The following RAPGEF1 variants were observed in gnomAD, a reference collection of about 807,000 sequenced individuals.
RAPGEF1 encodes CRK SH3-binding GNRP.
A neutral mutation model predicts 143.3 loss-of-function variants in RAPGEF1; 33 were observed. That is an observed-to-expected ratio of 0.23 (90% CI 0.17 to 0.31). RAPGEF1 has a LOEUF of 0.31. Ranked by LOEUF, RAPGEF1 falls within the 10% of genes least tolerant of loss-of-function variation. The pLI, the probability that RAPGEF1 is intolerant of heterozygous loss-of-function variation, is 1.00. For synonymous variants in RAPGEF1, 629 were observed against 676.5 expected (o/e 0.93, Z 1.09); for missense variants, 1,199 against 1,645.4 (o/e 0.73, Z 4.69).
At position 131,584,611 on chromosome 9, in the gene RAPGEF1, G is replaced by A. The variant is rs1382817134; in HGVS notation, c.3234-15C>T. On this transcript the variant is annotated splice_polypyrimidine_tract_variant and intron_variant, in intron 22 of 26. Coordinates refer to ENST00000683357, the MANE Select transcript of RAPGEF1 (RefSeq NM_001377935.1). This position sits in a 1 kb window ranked among gnomAD's most constrained non-coding sequence, Gnocchi z 6.8. ...TGGACCGGACCCTGCATGGACCAAG[G>A]GAAAAAGAAACAGCTGAGTTGACAA... 1.2e-6 allele frequency: 2 copies of A among 1,613,570 alleles called. No individual in the cohort carries two copies. The highest frequency in any genetic ancestry group is 1.1e-5 in the South Asian group (1 of 91,072).
rs760080790 is a variant in RAPGEF1, at chr9:131,629,258, G to A, written c.741-4C>T. On this transcript the variant is annotated splice_polypyrimidine_tract_variant and splice_region_variant and intron_variant, in intron 6 of 26. Transcript: ENST00000683357. ...TGTCAGGGGGAGCTCTGCTGGGCTG[G>A]AGAATTGGGAAGAACTTGGGGTTAC... is the stretch of plus-strand genomic sequence containing the variant. 9.9e-6 allele frequency: 16 copies of A among 1,612,538 alleles called. No homozygotes were observed. The African/African-American group carries it at 1.3e-4, about 13-fold the overall frequency.
At position 131,650,388 on chromosome 9, in the gene RAPGEF1, G is replaced by C; in HGVS notation, c.202-146C>G. 1.6e-6 allele frequency: 1 copy of C among 642,502 alleles called. No individual in the cohort carries two copies. The highest frequency in any genetic ancestry group is 2.7e-6 in the Non-Finnish European group (1 of 373,576). 39.8% of individuals were successfully genotyped at this position (642,502 alleles called of 1,614,324 possible). ...CCACTAACTCTTGAGGACATCTTTGGCTGTGTCTCAAGGGGTTTGCATGTT... is the reference window on the plus strand; with the variant it reads ...CCACTAACTCTTGAGGACATCTTTGCCTGTGTCTCAAGGGGTTTGCATGTT... On this transcript the variant is annotated intron_variant, in intron 2 of 26. Transcript: ENST00000683357. The surrounding 1 kb of genome is among the most constrained non-coding windows in gnomAD (Gnocchi z 4.7).
chr9:131,685,352 C>A (rs1349883254), intron 1 of RAPGEF1, among the ~76,000 whole-genome samples: 1 of 152,194 alleles, frequency 6.6e-6, no homozygotes, highest in Non-Finnish European at 1.5e-5. Context: ...CCAAAACTGG[C>A]CATAAACAAT....
rs563731140 is a variant in RAPGEF1, at chr9:131,735,872, C to T, written c.61+3898G>A. On this transcript the variant is annotated intron_variant, in intron 1 of 26. Coordinates refer to ENST00000683357, the MANE Select transcript of RAPGEF1 (RefSeq NM_001377935.1). ...GGCTTTTGAGATTTTTGAGTGACTT[C>T]CTGATTTTTCAATATTGACCATCAA... 2.0e-3 allele frequency among the ~76,000 whole-genome samples: 301 copies of T among 152,246 alleles called. 2 individuals are homozygous for T. The highest frequency in any genetic ancestry group is 3.5e-3 in the Admixed American group (54 of 15,288).
rs908978146 is a variant in RAPGEF1, at chr9:131,580,248, G to A, written c.3641+15C>T. Reference sequence around the variant, plus strand: ...GCTCAGCTCTGCCTGGTCCCCCCGGGGCAGTGGCACTCACGCCTGCTGGAA... The same window carrying A: ...GCTCAGCTCTGCCTGGTCCCCCCGGAGCAGTGGCACTCACGCCTGCTGGAA... On this transcript the variant is annotated intron_variant, in intron 26 of 26. Transcript: ENST00000683357. The A allele has an allele frequency of 3.7e-6, 6 of 1,613,460 alleles. No individual in the cohort carries two copies. The highest frequency in any genetic ancestry group is 1.6e-4 in the Middle Eastern group (1 of 6,082).
At position 131,588,054 on chromosome 9, in the gene RAPGEF1, G is replaced by A. The variant is rs768057058; in HGVS notation, c.3054-28C>T. ...GGAAGACAGAGGTGTGAGAAGAGCC[G>A]TCAGGGGTGGGGAGGCCGGTGGGGA... On this transcript the variant is annotated intron_variant, in intron 20 of 26. Coordinates refer to ENST00000683357, the MANE Select transcript of RAPGEF1 (RefSeq NM_001377935.1). 37 of 1,588,848 alleles carry A rather than the reference G, an allele frequency of 2.3e-5. No individual in the cohort carries two copies. The East Asian group carries it at 4.0e-4, about 17-fold the overall frequency.
intron 1 of RAPGEF1, among the ~76,000 whole-genome samples, chr9:131,686,175 C>T (rs375780177): frequency 2.6e-5 from 4 of 152,184 alleles, no homozygotes; most frequent in East Asian, 1.9e-4. Context: ...CAATGGACTT[C>T]GTGGGCCATA....
In RAPGEF1 at chr9:131,625,960, T is replaced by C. The variant is rs1230847799; in HGVS notation, c.1664A>G (p.Glu555Gly). The part of the protein sequence containing the change: ...FTAPESTGDP[E>G]KPPPLPEKKN... ...CTTCTCTGGTAGAGGAGGTGGTTTTTCTGGGTCACCGGTTGACTCAGGAGC... is the reference window on the plus strand; with the variant it reads ...CTTCTCTGGTAGAGGAGGTGGTTTTCCTGGGTCACCGGTTGACTCAGGAGC... The change falls in exon 10 of 27, where the codon GAA (glutamate) becomes GGA (glycine). Residue 555 changes from glutamate (E) to glycine (G), a missense_variant. Physicochemically the swap from Glu to Gly is moderately conservative, Grantham distance 98. Transcript: ENST00000683357. 6 of 1,589,706 alleles carry C rather than the reference T, an allele frequency of 3.8e-6. No homozygotes were observed. Among genetic ancestry groups the C allele is most frequent in the African/African-American group, 1.3e-5 (1 of 74,534 alleles).
intron 10 of RAPGEF1, among the ~76,000 whole-genome samples, chr9:131,623,820 C>T (rs1962051993): frequency 6.6e-6 from 1 of 152,214 alleles, no homozygotes; most frequent in South Asian, 2.1e-4. Context: ...GAGGACACGT[C>T]GTGACATTGG....
intron 15 of RAPGEF1, among the ~76,000 whole-genome samples, chr9:131,600,260 T>C (rs576490043): frequency 2.1e-4 from 32 of 152,212 alleles, no homozygotes; most frequent in Non-Finnish European, 4.0e-4. Context: ...CATCCCATAA[T>C]TATTTCTGAG....
intron 12 of RAPGEF1, among the ~76,000 whole-genome samples, chr9:131,615,354 G>A (rs757703674): frequency 3.3e-5 from 5 of 152,308 alleles, no homozygotes; most frequent in South Asian, 2.1e-4. Context: ...GATTGCAGGC[G>A]TGAGCCACTG....
rs1961011228 is a variant in RAPGEF1 at position 131,621,509 on chromosome 9, A to G, written c.1905+287T>C. Among the ~76,000 whole-genome samples, 1 of 152,194 alleles carries G rather than the reference A, an allele frequency of 6.6e-6. No individual in the cohort carries two copies. On this transcript the variant is annotated intron_variant, in intron 11 of 26. Coordinates refer to ENST00000683357, the MANE Select transcript of RAPGEF1 (RefSeq NM_001377935.1). The surrounding 1 kb of genome is among the most constrained non-coding windows in gnomAD (Gnocchi z 4.5). ...AATACAAGAGACTGTCAGCAGAGAG[A>G]GCAAACACCCTGAGTACAAGCCTGT... is the stretch of plus-strand genomic sequence containing the variant.
At chr9:131,674,839 G>T (rs1832030654) in intron 1 of RAPGEF1, among the ~76,000 whole-genome samples, 1 of 152,160 alleles carries the variant, frequency 6.6e-6, no homozygotes, top group African/African-American at 2.4e-5. Context: ...GGCGCGGGGA[G>T]GGCAGACCTG....
At chr9:131,728,215 C>G (rs1387454618) in intron 1 of RAPGEF1, among the ~76,000 whole-genome samples, 5 of 152,162 alleles carry the variant, frequency 3.3e-5, no homozygotes, top group African/African-American at 1.2e-4. Context: ...GGTATGAAAT[C>G]CCCCTTCTTG....
Position 131,628,882 on chromosome 9 carries a change from A to G in RAPGEF1, c.894-210T>C, listed in dbSNP as rs769394071. 7.9e-5 allele frequency among the ~76,000 whole-genome samples: 12 copies of G among 152,210 alleles called. No homozygotes were observed. Among genetic ancestry groups the G allele is most frequent in the Non-Finnish European group, 1.6e-4 (11 of 68,034 alleles). On this transcript the variant is annotated intron_variant, in intron 7 of 26. Coordinates refer to ENST00000683357, the MANE Select transcript of RAPGEF1 (RefSeq NM_001377935.1). The surrounding 1 kb of genome is among the most constrained non-coding windows in gnomAD (Gnocchi z 5.7). ...GAACAACCCTTTCTTTTTCTTTCAT[A>G]ATAAATCATACCATGTCTCCCTGGG...
At chr9:131,696,090 G>A (rs551346120) in intron 1 of RAPGEF1, among the ~76,000 whole-genome samples, 112 of 152,284 alleles carry the variant, frequency 7.4e-4, no homozygotes, top group African/African-American at 2.5e-3. Flanking sequence ...CCTCACCTGT[G>A]ACCTCGCCTC....
intron 1 of RAPGEF1, among the ~76,000 whole-genome samples, chr9:131,651,896 C>CA (rs973858900): frequency 1.3e-5 from 2 of 152,228 alleles, no homozygotes; most frequent in Non-Finnish European, 2.9e-5. Flanking sequence ...TGAGGCTACA[C>CA]ACCTGTACAG....
Position 131,621,040 on chromosome 9 carries a change from C to T in RAPGEF1, c.1905+756G>A, listed in dbSNP as rs994535770. On this transcript the variant is annotated intron_variant, in intron 11 of 26. Coordinates refer to ENST00000683357, the MANE Select transcript of RAPGEF1 (RefSeq NM_001377935.1). This position sits in a 1 kb window ranked among gnomAD's most constrained non-coding sequence, Gnocchi z 4.5. ...TGGACAAGAGGCTCAGATCTTCAAA[C>T]CTGACTAGGGCCCTCCATGTTCATT... is the stretch of plus-strand genomic sequence containing the variant. Among the ~76,000 whole-genome samples, 6 of 152,312 alleles carry T rather than the reference C, an allele frequency of 3.9e-5. No homozygotes were observed. Among genetic ancestry groups the T allele is most frequent in the Admixed American group, 2.6e-4 (4 of 15,302 alleles).
chr9:131,691,088 C>T (rs1833752030), intron 1 of RAPGEF1, among the ~76,000 whole-genome samples: 1 of 152,174 alleles, frequency 6.6e-6, no homozygotes, highest in South Asian at 2.1e-4. Context: ...AAATGTGAGT[C>T]TTCTCAATAT....
Sources: allele counts gnomAD v4.1 joint callset (sites outside exome capture counted in the v4.1 genomes callset), GRCh38; gene constraint gnomAD v4.1.1; non-coding constraint Gnocchi (gnomAD v3.1); transcripts MANE v1.5; gene names NCBI Gene and HGNC (gene_info 2026-07-23, HGNC 2026-07-21).